PDE1A: variants seen among roughly 807,000 people sequenced by gnomAD.
PDE1A encodes dual specificity calcium/calmodulin-dependent 3',5'-cyclic nucleotide phosphodiesterase 1A.
In PDE1A, 35 loss-of-function variants were observed where a neutral mutation model predicts 61.7. The ratio of observed to expected loss-of-function variants is 0.57; its 90% CI spans 0.43 to 0.75. The LOEUF (loss-of-function observed/expected upper bound fraction) is 0.75, where lower values mean the gene tolerates loss of function less well. Ranked by LOEUF, PDE1A falls within the 30% of genes least tolerant of loss-of-function variation. The pLI, the probability that PDE1A is intolerant of heterozygous loss-of-function variation, is 0.00. For missense variants in PDE1A, 597 were observed against 630.6 expected, an observed-to-expected ratio of 0.95 and a Z score of 0.57; for synonymous variants, 232 against 213.2, an observed-to-expected ratio of 1.09 and a Z score of -0.77.
At chr2:182,336,795 A>G (rs1204816447) in intron 1 of PDE1A, among the ~76,000 whole-genome samples, 1 of 151,806 alleles carries the variant, frequency 6.6e-6, no homozygotes, top group East Asian at 1.9e-4. Flanking sequence ...ATGAGAGTTG[A>G]ACAATGAGAA....
At chr2:182,521,868 A>T (rs1021639244) in intron 2 of PDE1A, among the ~76,000 whole-genome samples, 1 of 152,088 alleles carries the variant, frequency 6.6e-6, no homozygotes, top group Non-Finnish European at 1.5e-5. Flanking sequence ...TAATCATCTC[A>T]TTGCTTTTCC....
At chr2:182,413,331 G>C (rs1214913301) in intron 1 of PDE1A, among the ~76,000 whole-genome samples, 1 of 152,228 alleles carries the variant, frequency 6.6e-6, no homozygotes, top group Non-Finnish European at 1.5e-5. Flanking sequence ...AAGAGGGGCT[G>C]AAGACTAGAA....
the PDE1A span, among the ~76,000 whole-genome samples, chr2:182,600,266 A>G: frequency 1.3e-5 from 2 of 152,198 alleles, no homozygotes; most frequent in Non-Finnish European, 2.9e-5. Flanking sequence ...CATTTTCTGA[A>G]AGGTTTTTTT....
chr2:182,370,183 G>A (rs201319255), intron 1 of PDE1A, among the ~76,000 whole-genome samples: 4 of 149,916 alleles, frequency 2.7e-5, no homozygotes, highest in Admixed American at 6.6e-5. Flanking sequence ...TCTCAAAAAA[G>A]AAAAAAAAGA....
At chr2:182,598,304 G>A in the PDE1A span, among the ~76,000 whole-genome samples, 4 of 152,314 alleles carry the variant, frequency 2.6e-5, no homozygotes, top group East Asian at 7.7e-4. Flanking sequence ...GGGCACAGTG[G>A]ATCACGCCTG....
chr2:182,557,812 C>T, the PDE1A span, among the ~76,000 whole-genome samples: 1 of 152,098 alleles, frequency 6.6e-6, no homozygotes, highest in East Asian at 1.9e-4. Context: ...CTTTTAGTAG[C>T]ATATTTCCTA....
chr2:182,678,509 T>G, the PDE1A span, among the ~76,000 whole-genome samples: 1 of 152,044 alleles, frequency 6.6e-6, no homozygotes, highest in Admixed American at 6.6e-5. Flanking sequence ...CATTGCTTAA[T>G]AACATAAAAA....
intron 2 of PDE1A, among the ~76,000 whole-genome samples, chr2:182,512,673 T>A (rs2125958283): frequency 6.6e-6 from 1 of 152,208 alleles, no homozygotes; most frequent in Non-Finnish European, 1.5e-5. Context: ...CAAGAGAAAC[T>A]TGAAACCCAA....
At chr2:182,627,277 T>TAA in the PDE1A span, among the ~76,000 whole-genome samples, 2 of 92,522 alleles carry the variant, frequency 2.2e-5, no homozygotes, top group African/African-American at 4.3e-5. Context: ...ATAAATAATA[T>TAA]ATAAAATATA....
intron 1 of PDE1A, among the ~76,000 whole-genome samples, chr2:182,280,106 T>TA (rs1196201354): frequency 5.3e-5 from 8 of 152,046 alleles, no homozygotes; most frequent in African/African-American, 1.9e-4. Context: ...CATAGCTGAA[T>TA]AGTGTATGAA....
rs947878466 is a variant in PDE1A, at chr2:182,295,006, TAA to T, written c.54-30594_54-30593del. Among the ~76,000 whole-genome samples, 8 of 150,920 alleles carry T rather than the reference TAA, an allele frequency of 5.3e-5. No individual in the cohort carries two copies. In the East Asian group the frequency reaches 1.4e-3, roughly 26 times the overall value. On this transcript the variant is annotated intron_variant, in intron 1 of 13. Transcript: ENST00000351439. ...CGCAGCTAATTTTAGGTAACTTGGT[TAA>T]GTCTCCGTTTATTGCAACCAAAAAC...
chr2:182,540,387 C>A, the PDE1A span, among the ~76,000 whole-genome samples: 27 of 37,694 alleles, frequency 7.2e-4, no homozygotes, highest in Non-Finnish European at 1.5e-3. Context: ...AAAAAAAAAG[C>A]AGCAGCAGCA....
intron 13 of PDE1A, among the ~76,000 whole-genome samples, chr2:182,169,405 A>G (rs1260615112): frequency 6.6e-6 from 1 of 152,154 alleles, no homozygotes; most frequent in Non-Finnish European, 1.5e-5. Context: ...AATAAATGTC[A>G]TAAGCTCTGA....
chr2:182,491,495 T>A (rs1399708870), intron 2 of PDE1A, among the ~76,000 whole-genome samples: 1 of 152,156 alleles, frequency 6.6e-6, no homozygotes, highest in African/African-American at 2.4e-5. Flanking sequence ...GTTGAGGTGC[T>A]ACAAGGACTA....
chr2:182,510,606 A>G (rs1318592612), intron 2 of PDE1A, among the ~76,000 whole-genome samples: 1 of 152,232 alleles, frequency 6.6e-6, no homozygotes, highest in Non-Finnish European at 1.5e-5. Context: ...GTCTGTTGTG[A>G]ACCAGGCTCA....
intron 1 of PDE1A, among the ~76,000 whole-genome samples, chr2:182,328,526 A>G (rs1171708814): frequency 6.6e-6 from 1 of 152,174 alleles, no homozygotes; most frequent in African/African-American, 2.4e-5. Context: ...ACAGATTTTA[A>G]GTTCTACTAT....
At chr2:182,349,462 T>C (rs1241257815) in intron 1 of PDE1A, among the ~76,000 whole-genome samples, 1 of 152,218 alleles carries the variant, frequency 6.6e-6, no homozygotes, top group African/African-American at 2.4e-5. Flanking sequence ...TTGTCATGTT[T>C]TTTATTTTTC....
At chr2:182,550,253 C>A in the PDE1A span, among the ~76,000 whole-genome samples, 1 of 152,172 alleles carries the variant, frequency 6.6e-6, no homozygotes, top group Non-Finnish European at 1.5e-5. Flanking sequence ...GAACTCTAAA[C>A]AAAGGTGTTA....
At chr2:182,420,960 A>G (rs564091702) in intron 1 of PDE1A, among the ~76,000 whole-genome samples, 1 of 152,236 alleles carries the variant, frequency 6.6e-6, no homozygotes, top group African/African-American at 2.4e-5. Flanking sequence ...AACTGTCAAA[A>G]CTACATTATG....
Sources: gnomAD v4.1 joint callset for allele counts (sites outside exome capture counted in the v4.1 genomes callset) on GRCh38, gnomAD v4.1.1 for gene constraint, MANE v1.5 for transcripts, NCBI Gene and HGNC (gene_info 2026-07-23, HGNC 2026-07-21) for gene names.